Variants in SLC39A10 observed in about 807,000 individuals in gnomAD.
SLC39A10 encodes the protein solute carrier family 39 member 10, also known as zinc transporter ZIP10.
In SLC39A10, 13 loss-of-function variants were observed where a neutral mutation model predicts 65.1. The ratio of observed to expected loss-of-function variants is 0.20; its 90% CI spans 0.13 to 0.32. The LOEUF is 0.32. Ranked by LOEUF, SLC39A10 falls within the 10% of genes least tolerant of loss-of-function variation. The pLI is 1.00. For synonymous variants in SLC39A10, 321 were observed against 342.2 expected, an observed-to-expected ratio of 0.94 and a Z score of 0.68; for missense variants, 831 against 1,018.4, an observed-to-expected ratio of 0.82 and a Z score of 2.50.
rs1211465288 is a variant in SLC39A10 at position 195,728,231 on chromosome 2, T to C, written c.2219T>C (p.Met740Thr). ...QAIVYNLLSA[M>T]MAYIGMLIGT... ...ATTGTATACAACCTCCTCTCTGCCA[T>C]GATGGCTTACATAGGCATGCTCATA... is the stretch of plus-strand genomic sequence containing the variant. Residue 740 changes from methionine (M) to threonine (T), a missense_variant, in exon 9 of 10, where the codon ATG (methionine) becomes ACG (threonine). Around this residue, in one of 4 missense-constraint regions of SLC39A10, gnomAD observed 120 missense variants for 203.9 expected, o/e 0.59. Transcript: ENST00000359634. The surrounding 1 kb of genome is among the most constrained non-coding windows in gnomAD (Gnocchi z 4.4). 6.8e-6 allele frequency: 11 copies of C among 1,614,056 alleles called. No individual in the cohort carries two copies. Among genetic ancestry groups the C allele is most frequent in the Non-Finnish European group, 8.5e-6 (10 of 1,179,922 alleles).
intron 8 of SLC39A10, among the ~76,000 whole-genome samples, chr2:195,723,746 TAA>T (rs11364851): frequency 2.5e-4 from 37 of 149,708 alleles, no homozygotes; most frequent in Non-Finnish European, 2.7e-4. Context: ...ACATTTTGAT[TAA>T]AAAAAAAAAA....
At chr2:195,659,605 A>G (rs1689303449) in intron 1 of SLC39A10, among the ~76,000 whole-genome samples, 1 of 152,212 alleles carries the variant, frequency 6.6e-6, no homozygotes, top group Non-Finnish European at 1.5e-5. Flanking sequence ...GAAAAAATTT[A>G]GGGCTTTGGA....
intron 5 of SLC39A10, 25 bp from the exon 6 acceptor site, chr2:195,713,408 G>T (rs1318580278): frequency 6.6e-7 from 1 of 1,506,024 alleles, no homozygotes. Context: ...ACTAATATCA[G>T]ATACTATTTT....
At chr2:195,665,684 CT>C (rs772227682) in intron 1 of SLC39A10, among the ~76,000 whole-genome samples, 2 of 152,094 alleles carry the variant, frequency 1.3e-5, no homozygotes, top group African/African-American at 2.4e-5. Flanking sequence ...AATCAGTCCC[CT>C]GTCTGTTCCT....
chr2:195,724,989 T>G (rs959399183), intron 8 of SLC39A10, among the ~76,000 whole-genome samples: 2 of 151,992 alleles, frequency 1.3e-5, no homozygotes, highest in African/African-American at 2.4e-5. Flanking sequence ...CAATTAATCT[T>G]CAACAAAAGT....
At chr2:195,659,375 A>G (rs1035018853) in intron 1 of SLC39A10, among the ~76,000 whole-genome samples, 5 of 152,114 alleles carry the variant, frequency 3.3e-5, no homozygotes, top group Non-Finnish European at 7.4e-5. Flanking sequence ...TTTTTTGAGC[A>G]CCTGATTTGA....
chr2:195,731,365 A>T (rs1216779285), intron 9 of SLC39A10, among the ~76,000 whole-genome samples: 1 of 151,956 alleles, frequency 6.6e-6, no homozygotes, highest in African/African-American at 2.4e-5. Context: ...CTAAAATTTA[A>T]ATCTCCCCTT....
rs187885822 is a variant in SLC39A10, at chr2:195,712,556, C to T, written c.1576-877C>T. 5.9e-5 allele frequency among the ~76,000 whole-genome samples: 9 copies of T among 152,308 alleles called. 1 individual carries two copies. In the East Asian group the frequency reaches 1.7e-3, roughly 29 times the overall value. ...AAATGCCATGCCAGTCAGTAAGCGT[C>T]TCCCAGAGAAAACTTTTTTTTCAAC... On this transcript the variant is annotated intron_variant, in intron 5 of 9. Coordinates refer to ENST00000359634, the MANE Select transcript of SLC39A10 (RefSeq NM_020342.3).
chr2:195,636,489 C>T lies in SLC39A10; in HGVS notation c.-12+30256C>T, dbSNP rs367923263. On this transcript the variant is annotated intron_variant, in intron 2 of 2. Transcript: ENST00000458054. Reference sequence around the variant, plus strand: ...ATAATTGGCCTGGCGCAGTGGCTCACGCCTGTAATCCCAGCACTTTGGGAG... The same window carrying T: ...ATAATTGGCCTGGCGCAGTGGCTCATGCCTGTAATCCCAGCACTTTGGGAG... 9.9e-5 allele frequency among the ~76,000 whole-genome samples: 15 copies of T among 152,276 alleles called. No homozygotes were observed. In the East Asian group the frequency reaches 1.5e-3, roughly 16 times the overall value.
intron 2 of SLC39A10, among the ~76,000 whole-genome samples, chr2:195,625,183 C>T (rs959060742): frequency 2.1e-4 from 26 of 124,726 alleles, no homozygotes; most frequent in Admixed American, 9.9e-5. Context: ...TACCATTGCA[C>T]TCCAGCCTGT....
intron 2 of SLC39A10, among the ~76,000 whole-genome samples, chr2:195,682,561 G>A (rs1690366773): frequency 6.6e-6 from 1 of 151,880 alleles, no homozygotes; most frequent in South Asian, 2.1e-4. Context: ...CAAAGTGCTG[G>A]GATTACAGTG....
chr2:195,616,235 G>A lies in SLC39A10; in HGVS notation c.-12+10002G>A, dbSNP rs144905511. On this transcript the variant is annotated intron_variant, in intron 2 of 2. Coordinates refer to the SLC39A10 transcript ENST00000458054. ...CTCCCAAAGTGTTAGGATTACAGGC[G>A]TGAGCCACCGTGCCCAGCCAGATCT... Among the ~76,000 whole-genome samples the A allele has an allele frequency of 5.3e-3, 800 of 152,246 alleles. 10 individuals are homozygous for A. The highest frequency in any genetic ancestry group is 0.018 in the African/African-American group (753 of 41,544).
intron 6 of SLC39A10, 60 bp from the exon 7 acceptor site, chr2:195,716,577 A>T: frequency 9.2e-7 from 1 of 1,090,986 alleles, no homozygotes; most frequent in Non-Finnish European, 1.3e-6. Context: ...ATTCTGTTTA[A>T]ATTAGCAAAT....
intron 8 of SLC39A10, among the ~76,000 whole-genome samples, chr2:195,726,666 T>G (rs1433707792): frequency 6.6e-6 from 1 of 152,220 alleles, no homozygotes; most frequent in Non-Finnish European, 1.5e-5. Flanking sequence ...AAAACAATGC[T>G]GCAGTGTTTA....
chr2:195,715,524 T>TC (rs1691766838), intron 6 of SLC39A10, among the ~76,000 whole-genome samples: 3 of 63,212 alleles, frequency 4.7e-5, no homozygotes, highest in Admixed American at 2.3e-4. Flanking sequence ...AGACTCTGTC[T>TC]CAAAAAAAAA....
At chr2:195,708,218 AAAAAAT>A (rs1691477382) in intron 4 of SLC39A10, among the ~76,000 whole-genome samples, 1 of 152,178 alleles carries the variant, frequency 6.6e-6, no homozygotes, top group African/African-American at 2.4e-5. Flanking sequence ...AAGTTAAAAG[AAAAAAT>A]ATATGATAAT....
chr2:195,653,879 G>A (rs1011605802), upstream of SLC39A10, among the ~76,000 whole-genome samples: 7 of 152,174 alleles, frequency 4.6e-5, no homozygotes, highest in African/African-American at 1.7e-4. Context: ...CTTGAATCAC[G>A]GAAAGAACAA....
chr2:195,647,419 A>G (rs937797681), intron 2 of SLC39A10, among the ~76,000 whole-genome samples: 2 of 151,622 alleles, frequency 1.3e-5, no homozygotes, highest in African/African-American at 4.9e-5. Flanking sequence ...CATCTCTCCC[A>G]ACTCCCCATG....
chr2:195,714,848 G>A (rs1395412953), intron 6 of SLC39A10, among the ~76,000 whole-genome samples: 1 of 152,064 alleles, frequency 6.6e-6, no homozygotes, highest in Non-Finnish European at 1.5e-5. Flanking sequence ...TACCTCCTGG[G>A]TTCATGCCAT....
Sources: gnomAD v4.1 joint callset for allele counts (sites outside exome capture counted in the v4.1 genomes callset) on GRCh38, gnomAD v4.1.1 for gene constraint, gnomAD v4.1.1 regional missense constraint, Gnocchi (gnomAD v3.1) non-coding constraint, MANE v1.5 for transcripts, NCBI Gene and HGNC (gene_info 2026-07-23, HGNC 2026-07-21) for gene names.